The following KSR2 variants were observed in gnomAD, a reference collection of about 807,000 sequenced individuals.
KSR2 encodes the protein kinase suppressor of ras 2.
Under a neutral mutation model 107.8 loss-of-function variants are expected in KSR2, and 25 were observed. The ratio of observed to expected loss-of-function variants is 0.23; its 90% CI spans 0.17 to 0.32. The LOEUF is 0.32. KSR2 is among the 10% of genes least tolerant of loss of function. KSR2 has a pLI of 1.00. For synonymous variants in KSR2, 480 were observed against 507.0 expected (o/e 0.95, Z 0.71); for missense variants, 887 against 1,268.9 (o/e 0.70, Z 4.57).
At chr12:117,479,548 C>G (rs1872025778) in intron 16 of KSR2, among the ~76,000 whole-genome samples, 1 of 152,308 alleles carries the variant, frequency 6.6e-6, no homozygotes, top group Middle Eastern at 3.4e-3. Flanking sequence ...TAGCACCCCC[C>G]TCCCCCTAAT....
chr12:117,814,395 T>A (rs961902170), intron 3 of KSR2, among the ~76,000 whole-genome samples: 1 of 151,404 alleles, frequency 6.6e-6, no homozygotes, highest in Non-Finnish European at 1.5e-5. Flanking sequence ...CAATTAAAAA[T>A]AAATAAATAA....
In KSR2 at chr12:117,636,874, CT is replaced by C. The variant is rs139436505; in HGVS notation, c.1171+30599del. On this transcript the variant is annotated intron_variant, in intron 5 of 19. Coordinates refer to ENST00000339824, the MANE Select transcript of KSR2 (RefSeq NM_173598.6). ...CCAATAAAGGAAATAAGAAGGCACACTACAAACCAGCAGACATTTGCCACAT... is the reference window on the plus strand; with the variant it reads ...CCAATAAAGGAAATAAGAAGGCACACACAAACCAGCAGACATTTGCCACAT... Among the ~76,000 whole-genome samples the C allele has an allele frequency of 2.0e-3, 300 of 150,436 alleles. 1 individual carries two copies. The highest frequency in any genetic ancestry group is 3.3e-3 in the Non-Finnish European group (222 of 67,554).
intron 1 of KSR2, among the ~76,000 whole-genome samples, chr12:117,925,300 T>C (rs896690503): frequency 1.1e-4 from 16 of 151,836 alleles, no homozygotes; most frequent in African/African-American, 3.9e-4. Context: ...AGTTTTGTAT[T>C]TTTAGTGGAG....
intron 14 of KSR2, among the ~76,000 whole-genome samples, chr12:117,507,154 A>G (rs1873746661): frequency 6.6e-6 from 1 of 152,212 alleles, no homozygotes; most frequent in Non-Finnish European, 1.5e-5. Context: ...ACATGGTTTA[A>G]TCTACTGCCT....
chr12:117,563,885 C>G (rs2137370548), intron 7 of KSR2, among the ~76,000 whole-genome samples: 1 of 152,304 alleles, frequency 6.6e-6, no homozygotes, highest in Non-Finnish European at 1.5e-5. Flanking sequence ...TGCCTTAACT[C>G]TCTGTCTCAC....
chr12:117,848,743 C>CTGGTGA (rs1010235416), intron 3 of KSR2, among the ~76,000 whole-genome samples: 1 of 104,170 alleles, frequency 9.6e-6, no homozygotes, highest in Non-Finnish European at 2.5e-5. Context: ...CTGGAGGAGC[C>CTGGTGA]TGGTGATGGT....
intron 5 of KSR2, among the ~76,000 whole-genome samples, chr12:117,661,526 T>C (rs1293724471): frequency 2.6e-5 from 4 of 152,242 alleles, no homozygotes; most frequent in Non-Finnish European, 4.4e-5. Flanking sequence ...GGAAGTCCCC[T>C]GTGTTGTTCT....
In KSR2 at chr12:117,713,264, A is replaced by C. The variant is rs1471926008; in HGVS notation, c.987-45606T>G. On this transcript the variant is annotated intron_variant, in intron 4 of 19. Coordinates refer to ENST00000339824, the MANE Select transcript of KSR2 (RefSeq NM_173598.6). Reference sequence around the variant, plus strand: ...AAGTAGACAGATGATTGATAGATACATGATAAACAGATATAGCTATATCAA... The same window carrying C: ...AAGTAGACAGATGATTGATAGATACCTGATAAACAGATATAGCTATATCAA... 3.9e-5 allele frequency among the ~76,000 whole-genome samples: 6 copies of C among 152,152 alleles called. No individual in the cohort carries two copies. In the East Asian group the frequency reaches 1.2e-3, roughly 29 times the overall value.
intron 5 of KSR2, among the ~76,000 whole-genome samples, chr12:117,661,876 T>C (rs959905846): frequency 5.9e-5 from 9 of 152,144 alleles, no homozygotes; most frequent in Admixed American, 1.3e-4. Context: ...GGAAGCAGGA[T>C]TGGGGAGGAA....
chr12:117,729,039 G>A (rs1283651374), intron 4 of KSR2, among the ~76,000 whole-genome samples: 2 of 152,144 alleles, frequency 1.3e-5, no homozygotes, highest in African/African-American at 4.8e-5. Context: ...GCGGTTAGCG[G>A]TACCCACTTC....
At chr12:117,706,135 G>A (rs1261845059) in intron 4 of KSR2, among the ~76,000 whole-genome samples, 4 of 141,370 alleles carry the variant, frequency 2.8e-5, no homozygotes, top group South Asian at 4.9e-4. Flanking sequence ...TCTCTGCCCC[G>A]CGGGTTCAAA....
intron 1 of KSR2, among the ~76,000 whole-genome samples, chr12:117,957,223 T>G (rs546205766): frequency 6.6e-6 from 1 of 152,274 alleles, no homozygotes; most frequent in Admixed American, 6.5e-5. Context: ...TCTGTTCCTG[T>G]GTCTGCGGCT....
At chr12:117,712,986 AATAG>A (rs1229705076) in intron 4 of KSR2, among the ~76,000 whole-genome samples, 1 of 151,274 alleles carries the variant, frequency 6.6e-6, no homozygotes, top group Non-Finnish European at 1.5e-5. Flanking sequence ...ATAGATAGAT[AATAG>A]ATATAGATAC....
chr12:117,820,764 A>G (rs1891535802), intron 3 of KSR2, among the ~76,000 whole-genome samples: 1 of 152,176 alleles, frequency 6.6e-6, no homozygotes, highest in Non-Finnish European at 1.5e-5. Context: ...AGTGTGAAAA[A>G]AAAAAAATCC....
rs377037263 is a variant in KSR2, at chr12:117,883,000, C to T, written c.181-22569G>A. 3.4e-3 allele frequency among the ~76,000 whole-genome samples: 513 copies of T among 152,186 alleles called. 2 individuals carry two copies. The highest frequency in any genetic ancestry group is 0.011 in the African/African-American group (445 of 41,528). On this transcript the variant is annotated intron_variant, in intron 1 of 19. Coordinates refer to ENST00000339824, the MANE Select transcript of KSR2 (RefSeq NM_173598.6). ...CAACCATCCATTCAATCCAACCATA[C>T]AGTCAACCATCCATCCATTCATCCA...
At chr12:117,570,129 A>G (rs1240239351) in intron 7 of KSR2, among the ~76,000 whole-genome samples, 2 of 151,290 alleles carry the variant, frequency 1.3e-5, no homozygotes, top group East Asian at 2.0e-4. Flanking sequence ...CAGCCTCCCC[A>G]GTAGCTGGGA....
chr12:117,618,064 G>T (rs1427546060), intron 5 of KSR2, among the ~76,000 whole-genome samples: 3 of 152,056 alleles, frequency 2.0e-5, no homozygotes, highest in African/African-American at 4.8e-5. Flanking sequence ...ACTTTTTATT[G>T]AATTCTTAAA....
intron 9 of KSR2, among the ~76,000 whole-genome samples, chr12:117,554,145 C>G (rs980801691): frequency 6.6e-6 from 1 of 152,116 alleles, no homozygotes; most frequent in Admixed American, 6.6e-5. Flanking sequence ...GTGTGTGCAA[C>G]CTTTGCCTCC....
At chr12:117,612,675 T>C (rs1881668533) in intron 5 of KSR2, among the ~76,000 whole-genome samples, 1 of 152,048 alleles carries the variant, frequency 6.6e-6, no homozygotes, top group African/African-American at 2.4e-5. Context: ...CAGTGGCCAA[T>C]ACACCTATGA....
Sources: gnomAD v4.1 joint callset for allele counts (sites outside exome capture counted in the v4.1 genomes callset) on GRCh38, gnomAD v4.1.1 for gene constraint, MANE v1.5 for transcripts, NCBI Gene and HGNC (gene_info 2026-07-23, HGNC 2026-07-21) for gene names.